The following FGF1 variants were observed in gnomAD, a reference collection of about 807,000 sequenced individuals.
FGF1 encodes the protein fibroblast growth factor 1.
FGF1 carries 9 observed loss-of-function variants against 13.4 expected under a neutral mutation model. The observed-to-expected ratio is 0.67, with a 90% CI of 0.40 to 1.17. The LOEUF is 1.17. Among genes scored for constraint, FGF1 ranks in the 50% most tolerant of loss-of-function variants. The pLI, the probability that FGF1 is intolerant of heterozygous loss-of-function variation, is 0.01. For missense variants in FGF1, 156 were observed against 192.7 expected (o/e 0.81, Z 1.13); for synonymous variants, 93 against 79.0 (o/e 1.18, Z -0.94).
chr5:142,630,922 G>A (rs1023371313), intron 1 of FGF1, among the ~76,000 whole-genome samples: 3 of 152,126 alleles, frequency 2.0e-5, no homozygotes, highest in Admixed American at 6.5e-5. Context: ...CCATCCATGC[G>A]TTTTCTTGTT....
intron 1 of FGF1, among the ~76,000 whole-genome samples, chr5:142,616,269 T>G: frequency 6.6e-6 from 1 of 152,300 alleles, no homozygotes. Context: ...TTCTGGTACA[T>G]TTTTCCCACT....
chr5:142,686,520 T>C (rs1465374325), upstream of FGF1: 3 of 152,140 alleles, frequency 2.0e-5, no homozygotes. Flanking sequence ...GAATCCTGTT[T>C]ATTTTGAGGC....
chr5:142,598,801 C>T (rs759857428), intron 3 of FGF1, among the ~76,000 whole-genome samples: 1 of 152,140 alleles, frequency 6.6e-6, no homozygotes, highest in Non-Finnish European at 1.5e-5. Flanking sequence ...GTGATGGCCA[C>T]GGCTATGGTG....
chr5:142,629,523 T>C (rs1392051879), intron 1 of FGF1, among the ~76,000 whole-genome samples: 1 of 152,158 alleles, frequency 6.6e-6, no homozygotes. Context: ...CAAATCTAAT[T>C]GCGTTAGGCC....
chr5:142,692,665 A>ACACACACACACGCACACACGCACACACG (rs1366742533), intron 2 of FGF1, among the ~76,000 whole-genome samples: 1 of 150,924 alleles, frequency 6.6e-6, no homozygotes, highest in African/African-American at 2.5e-5. Context: ...CCCAGGACAC[A>ACACACACACACGCACACACGCACACACG]CACACACACA....
intron 2 of FGF1, among the ~76,000 whole-genome samples, chr5:142,606,466 A>G (rs1385805014): frequency 1.3e-5 from 2 of 151,900 alleles, no homozygotes; most frequent in African/African-American, 4.8e-5. Context: ...AATACAAAAA[A>G]AAAAAAATTA....
At chr5:142,649,781 T>C (rs1043025819) in intron 1 of FGF1, among the ~76,000 whole-genome samples, 1 of 152,210 alleles carries the variant, frequency 6.6e-6, no homozygotes, top group Admixed American at 6.5e-5. Flanking sequence ...GGAGAGATGC[T>C]TTTTACTGTC....
At chr5:142,639,626 G>T (rs1764828543) in intron 1 of FGF1, among the ~76,000 whole-genome samples, 1 of 151,958 alleles carries the variant, frequency 6.6e-6, no homozygotes, top group Non-Finnish European at 1.5e-5. Flanking sequence ...TAGACGAAAT[G>T]AATAGGTTCT....
At chr5:142,625,954 A>G (rs2151912177) in intron 1 of FGF1, among the ~76,000 whole-genome samples, 1 of 152,206 alleles carries the variant, frequency 6.6e-6, no homozygotes, top group Non-Finnish European at 1.5e-5. Context: ...CTTTTGAAGT[A>G]TGTGTTTGTT....
intron 1 of FGF1, among the ~76,000 whole-genome samples, chr5:142,652,897 A>T (rs1370927976): frequency 6.6e-6 from 1 of 152,252 alleles, no homozygotes; most frequent in African/African-American, 2.4e-5. Flanking sequence ...GGATTTCCAG[A>T]CAGAGTCAAA....
intron 2 of FGF1, among the ~76,000 whole-genome samples, chr5:142,692,580 A>T (rs1752392600): frequency 6.6e-6 from 1 of 152,032 alleles, no homozygotes; most frequent in Non-Finnish European, 1.5e-5. Flanking sequence ...GCAGGTTATG[A>T]AATATAGAAA....
At chr5:142,652,671 T>G (rs564825261) in intron 1 of FGF1, among the ~76,000 whole-genome samples, 7 of 152,334 alleles carry the variant, frequency 4.6e-5, no homozygotes, top group African/African-American at 1.4e-4. Context: ...GGCCCACACG[T>G]GCAGCCTGGC....
chr5:142,667,015 C>A (rs966154026), intron 1 of FGF1, among the ~76,000 whole-genome samples: 1 of 150,934 alleles, frequency 6.6e-6, no homozygotes, highest in Admixed American at 6.6e-5. Context: ...GGCACAGTGG[C>A]TCACACCTGT....
intron 1 of FGF1, among the ~76,000 whole-genome samples, chr5:142,638,753 G>C (rs147219052): frequency 1.3e-5 from 2 of 152,114 alleles, no homozygotes; most frequent in African/African-American, 4.8e-5. Flanking sequence ...CTATGCAATG[G>C]GAGAAAATAT....
intron 1 of FGF1, among the ~76,000 whole-genome samples, chr5:142,633,305 A>T (rs894824474): frequency 1.3e-5 from 2 of 152,220 alleles, no homozygotes; most frequent in Non-Finnish European, 1.5e-5. Context: ...GGGGGAAAGC[A>T]CATGCATTTT....
chr5:142,648,689 C>CAAAAAAAAAAAAA (rs11451715), intron 1 of FGF1, among the ~76,000 whole-genome samples: 3 of 66,212 alleles, frequency 4.5e-5, no homozygotes, highest in African/African-American at 6.2e-5. Context: ...CCCCACCAAC[C>CAAAAAAAAAAAAA]AAAAAAAAAA....
In FGF1 at chr5:142,692,529, T is replaced by C. The variant is rs143158863; in HGVS notation, c.-35+5093A>G. The stretch of plus-strand genomic sequence containing the variant: ...TTAACAACTATCCTGTTGGTTTAGA[T>C]TGGGTCTTGGTATATTGGAGTGTAT... On this transcript the variant is annotated intron_variant, in intron 2 of 4. Transcript: ENST00000407758. Among the ~76,000 whole-genome samples the C allele has an allele frequency of 3.4e-4, 52 of 152,262 alleles. No individual in the cohort carries two copies. In the South Asian group the frequency reaches 5.0e-3, roughly 15 times the overall value.
At chr5:142,643,053 G>C (rs1765438819) in intron 1 of FGF1, among the ~76,000 whole-genome samples, 1 of 152,162 alleles carries the variant, frequency 6.6e-6, no homozygotes, top group Non-Finnish European at 1.5e-5. Context: ...TTTTCTTAAA[G>C]AACTAGGCAC....
chr5:142,686,775 G>A (rs1751308434), upstream of FGF1, among the ~76,000 whole-genome samples: 2 of 152,180 alleles, frequency 1.3e-5, no homozygotes, highest in Non-Finnish European at 2.9e-5. Context: ...GTTGGGACTG[G>A]CGAGGGGCTG....
Sources: allele counts gnomAD v4.1 joint callset (sites outside exome capture counted in the v4.1 genomes callset), GRCh38; gene constraint gnomAD v4.1.1; transcripts MANE v1.5; gene names NCBI Gene and HGNC (gene_info 2026-07-23, HGNC 2026-07-21).